SENP6: variants seen among roughly 807,000 people sequenced by gnomAD.
The protein encoded by SENP6 is sentrin-specific protease 6.
SENP6 carries 41 observed loss-of-function variants against 134.5 expected under a neutral mutation model. The observed-to-expected ratio is 0.30, with a 90% CI of 0.24 to 0.40. The LOEUF is 0.40. Among genes scored for constraint, SENP6 ranks in the 10% least tolerant of loss-of-function variants. The pLI is 1.00. For missense variants in SENP6, 1,248 were observed against 1,312.5 expected (o/e 0.95, Z 0.76); for synonymous variants, 395 against 429.8 (o/e 0.92, Z 1.00).
At chr6:75,608,477 GAGAA>G (rs749985978) in intron 1 of SENP6, among the ~76,000 whole-genome samples, 29 of 151,240 alleles carry the variant, frequency 1.9e-4, no homozygotes, top group East Asian at 5.8e-4. Flanking sequence ...GAGAGGGAGG[GAGAA>G]AGAAAGAAGA....
chr6:75,633,534 T>A, intron 3 of SENP6, 47 bp from the exon 4 acceptor site: 1 of 1,492,346 alleles, frequency 6.7e-7, no homozygotes, highest in South Asian at 1.3e-5. Flanking sequence ...TGATAGATTG[T>A]CACATTATAG....
At chr6:75,608,344 C>G (rs1344657936) in intron 1 of SENP6, among the ~76,000 whole-genome samples, 1 of 151,920 alleles carries the variant, frequency 6.6e-6, no homozygotes, top group East Asian at 1.9e-4. Context: ...ACCCAAAGTC[C>G]CAGGAATTCA....
intron 18 of SENP6, chr6:75,698,046 A>G (rs1774774270): frequency 6.6e-6 from 1 of 152,276 alleles, no homozygotes. Flanking sequence ...TACAATGGAG[A>G]CTTAAAAGTT....
chr6:75,659,197 T>G, intron 7 of SENP6, 65 bp from the exon 8 acceptor site: 1 of 1,206,052 alleles, frequency 8.3e-7, no homozygotes. Context: ...TCTGATTATT[T>G]TTTTGCTGAA....
At chr6:75,675,704 A>G in intron 12 of SENP6, 156 bp from the exon 13 acceptor site, 1 of 854,412 alleles carries the variant, frequency 1.2e-6, no homozygotes, top group Non-Finnish European at 1.8e-6. Context: ...TAAGGCAGTT[A>G]TAAAGATTTT....
chr6:75,678,210 C>G (rs1394364787), intron 14 of SENP6: 7 of 182,100 alleles, frequency 3.8e-5, no homozygotes, highest in Non-Finnish European at 6.7e-5. Context: ...TTCCCTGAGC[C>G]TCTGCCCCTA....
intron 6 of SENP6, 105 bp downstream of exon 6, chr6:75,640,809 CT>C (rs1049003702): frequency 6.9e-5 from 45 of 647,544 alleles, no homozygotes; most frequent in Admixed American, 4.0e-4. Context: ...ATAATTAAAG[CT>C]TTTTTTAATT....
chr6:75,671,358 T>G (rs1334881360), intron 11 of SENP6, among the ~76,000 whole-genome samples: 2 of 152,252 alleles, frequency 1.3e-5, no homozygotes, highest in Non-Finnish European at 2.9e-5. Context: ...ATGCCTTAAC[T>G]TGATGTCCCT....
At chr6:75,711,019 C>T (rs1775715338) in intron 20 of SENP6, among the ~76,000 whole-genome samples, 1 of 152,056 alleles carries the variant, frequency 6.6e-6, no homozygotes, top group Non-Finnish European at 1.5e-5. Context: ...AAAATCAGAG[C>T]AGTAATATTT....
intron 18 of SENP6, among the ~76,000 whole-genome samples, chr6:75,700,404 A>C (rs960762829): frequency 1.3e-5 from 2 of 152,246 alleles, no homozygotes; most frequent in Non-Finnish European, 2.9e-5. Flanking sequence ...CCACATTGGC[A>C]TAGCTAAGAA....
At chr6:75,693,460 C>T (rs1774436563) in intron 16 of SENP6, among the ~76,000 whole-genome samples, 1 of 148,758 alleles carries the variant, frequency 6.7e-6, no homozygotes, top group East Asian at 2.0e-4. Context: ...TTTGGGCCAG[C>T]AAAAGTCTCA....
intron 20 of SENP6, among the ~76,000 whole-genome samples, chr6:75,710,647 G>T (rs1775695101): frequency 6.6e-6 from 1 of 152,120 alleles, no homozygotes; most frequent in Non-Finnish European, 1.5e-5. Context: ...GGTACTTTTG[G>T]TTATAGCAGT....
chr6:75,621,236 G>A (rs940376208), intron 1 of SENP6, among the ~76,000 whole-genome samples: 1 of 152,112 alleles, frequency 6.6e-6, no homozygotes, highest in African/African-American at 2.4e-5. Context: ...ATGAGATTTA[G>A]GGCTGATTTT....
At chr6:75,613,114 TA>T (rs71002750) in intron 1 of SENP6, among the ~76,000 whole-genome samples, 223 of 145,322 alleles carry the variant, frequency 1.5e-3, no homozygotes, top group Admixed American at 1.7e-3. Context: ...ATTCTGTCTT[TA>T]AAAAAAAAAA....
At chr6:75,620,632 T>A (rs1274538460) in intron 1 of SENP6, 3 of 152,228 alleles carry the variant, frequency 2.0e-5, no homozygotes, top group African/African-American at 7.2e-5. Context: ...TTGAGAACAT[T>A]CAGACCATAG....
Position 75,633,566 on chromosome 6 carries a change from G to C in SENP6, c.208-15G>C. On this transcript the variant is annotated splice_polypyrimidine_tract_variant and intron_variant, in intron 3 of 23. Coordinates refer to ENST00000447266, the MANE Select transcript of SENP6 (RefSeq NM_015571.4). The stretch of plus-strand genomic sequence containing the variant: ...ATAGCATTTTTGACTCATATTTCTG[G>C]ATCTTTTTTTACAGTTAAATCGTCG... 1 of 1,575,696 alleles carries C rather than the reference G, an allele frequency of 6.3e-7. No individual in the cohort carries two copies. Among genetic ancestry groups the C allele is most frequent in the Non-Finnish European group, 8.6e-7 (1 of 1,165,654 alleles).
intron 8 of SENP6, among the ~76,000 whole-genome samples, chr6:75,662,645 CAG>C (rs1240202670): frequency 2.6e-5 from 4 of 152,094 alleles, no homozygotes; most frequent in Non-Finnish European, 4.4e-5. Flanking sequence ...GTAATTCTCA[CAG>C]AGTTCCAAGA....
chr6:75,619,885 A>C (rs1582682174), intron 1 of SENP6, among the ~76,000 whole-genome samples: 1 of 152,036 alleles, frequency 6.6e-6, no homozygotes, highest in South Asian at 2.1e-4. Flanking sequence ...TGAGGCTGGG[A>C]GTTCGAGACC....
At chr6:75,662,367 C>G (rs1771850056) in intron 8 of SENP6, among the ~76,000 whole-genome samples, 2 of 151,988 alleles carry the variant, frequency 1.3e-5, no homozygotes, top group South Asian at 4.1e-4. Flanking sequence ...ACTCTTGGCC[C>G]TAAAGAGTCC....
Sources: allele counts gnomAD v4.1 joint callset (sites outside exome capture counted in the v4.1 genomes callset), GRCh38; gene constraint gnomAD v4.1.1; transcripts MANE v1.5; gene names NCBI Gene and HGNC (gene_info 2026-07-23, HGNC 2026-07-21).